The following ARHGAP6 variants were observed in gnomAD, a reference collection of about 807,000 sequenced individuals.
The protein encoded by ARHGAP6 is Rho GTPase activating protein 6, also known as rho GTPase-activating protein 6.
A neutral mutation model predicts 55.7 loss-of-function variants in ARHGAP6; 16 were observed. The observed-to-expected ratio is 0.29, with a 90% CI of 0.19 to 0.44. The LOEUF is 0.44. Among genes scored for constraint, ARHGAP6 ranks in the 20% least tolerant of loss-of-function variants. The probability of loss-of-function intolerance (pLI) is 1.00; values close to 1 mark genes in which losing one functional copy is unlikely to be tolerated. For missense variants in ARHGAP6, 698 were observed against 808.9 expected (o/e 0.86, Z 1.66); for synonymous variants, 382 against 360.9 (o/e 1.06, Z -0.66).
At chrX:11,200,816 G>A (rs978675798) in intron 2 of ARHGAP6, among the ~76,000 whole-genome samples, 1 of 112,410 alleles carries the variant, frequency 8.9e-6, no homozygotes, top group Admixed American at 9.4e-5. Context: ...AAAGTGATCA[G>A]ATTCAGAGAA....
chrX:11,265,531 T>C (rs754213037), intron 1 of ARHGAP6, among the ~76,000 whole-genome samples: 11 of 112,015 alleles, frequency 9.8e-5, no homozygotes, highest in Non-Finnish European at 2.1e-4. Context: ...CATAAATCCA[T>C]ATTGACACAG....
chrX:11,521,079 T>C (rs2050919953), intron 1 of ARHGAP6, among the ~76,000 whole-genome samples: 1 of 112,001 alleles, frequency 8.9e-6, no homozygotes, highest in African/African-American at 3.2e-5. Flanking sequence ...GATGAGTAGA[T>C]TGCAAAAATT....
chrX:11,330,253 C>A (rs534240523), intron 1 of ARHGAP6, among the ~76,000 whole-genome samples: 10 of 112,423 alleles, frequency 8.9e-5, no homozygotes, highest in African/African-American at 3.2e-4. Flanking sequence ...TTGAATATAG[C>A]TAATAACTGA....
chrX:11,428,829 C>T (rs2147786755), intron 1 of ARHGAP6, among the ~76,000 whole-genome samples: 1 of 111,837 alleles, frequency 8.9e-6, no homozygotes, highest in Non-Finnish European at 1.9e-5. Flanking sequence ...TTATAATTAG[C>T]AGTGGGAATG....
intron 10 of ARHGAP6, among the ~76,000 whole-genome samples, chrX:11,151,677 C>A (rs942019994): frequency 1.6e-4 from 18 of 111,995 alleles, no homozygotes; most frequent in Non-Finnish European, 3.2e-4. Context: ...TATTAAGTTC[C>A]CAAATATCAC....
At chrX:11,446,379 T>A (rs1298526811) in intron 1 of ARHGAP6, among the ~76,000 whole-genome samples, 1 of 111,951 alleles carries the variant, frequency 8.9e-6, no homozygotes, top group Non-Finnish European at 1.9e-5. Flanking sequence ...AAGAAATTGA[T>A]AACCAGCCAT....
intron 1 of ARHGAP6, among the ~76,000 whole-genome samples, chrX:11,359,028 A>G (rs910806244): frequency 9.8e-5 from 11 of 112,323 alleles, no homozygotes; most frequent in African/African-American, 3.6e-4. Context: ...ATTTAGAAGA[A>G]TTCTGTATGT....
intron 1 of ARHGAP6, among the ~76,000 whole-genome samples, chrX:11,301,904 G>A (rs1447945610): frequency 8.9e-6 from 1 of 112,105 alleles, no homozygotes; most frequent in East Asian, 2.8e-4. Flanking sequence ...TTGGCTAGCT[G>A]TCCAACAGCT....
At chrX:11,176,300 C>CATATATATATATAT (rs59647126) in intron 8 of ARHGAP6, among the ~76,000 whole-genome samples, 7 of 15,627 alleles carry the variant, frequency 4.5e-4, no homozygotes, top group East Asian at 4.4e-3. Context: ...TATTTGCATG[C>CATATATATATATAT]ATATATATAT....
At chrX:11,474,308 T>C (rs1368958136) in intron 1 of ARHGAP6, among the ~76,000 whole-genome samples, 1 of 112,141 alleles carries the variant, frequency 8.9e-6, no homozygotes, top group Admixed American at 9.4e-5. Context: ...GGTGCTTCTT[T>C]GGGTCCACAT....
At chrX:11,241,909 A>G (rs889488917) in intron 2 of ARHGAP6, among the ~76,000 whole-genome samples, 3 of 111,513 alleles carry the variant, frequency 2.7e-5, no homozygotes, top group African/African-American at 9.8e-5. Context: ...AGGCTCCCCA[A>G]AGTACTTGTG....
At chrX:11,456,991 G>T (rs1414742812) in intron 1 of ARHGAP6, among the ~76,000 whole-genome samples, 2 of 111,301 alleles carry the variant, frequency 1.8e-5, no homozygotes, top group African/African-American at 6.5e-5. Context: ...AAACATGCAG[G>T]ACATAACAGA....
intron 1 of ARHGAP6, among the ~76,000 whole-genome samples, chrX:11,367,504 C>G (rs939520650): frequency 8.9e-6 from 1 of 111,963 alleles, no homozygotes; most frequent in African/African-American, 3.2e-5. Context: ...GAATCTTTGA[C>G]TACAAGGACA....
chrX:11,150,759 A>G (rs1165021791), intron 10 of ARHGAP6, among the ~76,000 whole-genome samples: 1 of 111,978 alleles, frequency 8.9e-6, no homozygotes, highest in African/African-American at 3.2e-5. Flanking sequence ...ACTGCACTCC[A>G]GCCTGGGTGA....
intron 1 of ARHGAP6, among the ~76,000 whole-genome samples, chrX:11,268,291 T>C (rs1293245351): frequency 1.8e-5 from 2 of 112,065 alleles, no homozygotes; most frequent in Admixed American, 1.9e-4. Flanking sequence ...AAAGTCCAAA[T>C]TCCTTAGCCT....
intron 2 of ARHGAP6, among the ~76,000 whole-genome samples, chrX:11,207,973 A>G (rs1469377560): frequency 9.0e-6 from 1 of 111,140 alleles, no homozygotes; most frequent in Non-Finnish European, 1.9e-5. Flanking sequence ...CAACTACACA[A>G]TAGTCATCAA....
intron 1 of ARHGAP6, among the ~76,000 whole-genome samples, chrX:11,259,624 T>C (rs1306387240): frequency 8.9e-6 from 1 of 112,568 alleles, no homozygotes; most frequent in African/African-American, 3.2e-5. Flanking sequence ...CGTTACTTTC[T>C]GAAACTGAGA....
intron 1 of ARHGAP6, among the ~76,000 whole-genome samples, chrX:11,537,321 A>G (rs1257612294): frequency 8.9e-6 from 1 of 111,979 alleles, no homozygotes; most frequent in East Asian, 2.8e-4. Flanking sequence ...TCCTACTGGT[A>G]TCAAGTGGGC....
chrX:11,573,539 A>G (rs369595701), intron 1 of ARHGAP6, among the ~76,000 whole-genome samples: 1 of 108,999 alleles, frequency 9.2e-6, no homozygotes, highest in Admixed American at 9.7e-5. Flanking sequence ...TGTTCCATTG[A>G]TCTATATCTC....
Sources: gnomAD v4.1 joint callset for allele counts (sites outside exome capture counted in the v4.1 genomes callset) on GRCh38, gnomAD v4.1.1 for gene constraint, MANE v1.5 for transcripts, NCBI Gene and HGNC (gene_info 2026-07-23, HGNC 2026-07-21) for gene names.